The following GRAMD1C variants were observed in gnomAD, a reference collection of about 807,000 sequenced individuals.
GRAMD1C encodes protein Aster-C.
A neutral mutation model predicts 97.8 loss-of-function variants in GRAMD1C; 89 were observed. That is an observed-to-expected ratio of 0.91 (90% CI 0.77 to 1.09). The LOEUF is 1.09. GRAMD1C is among the 50% of genes least tolerant of loss of function. The pLI, the probability that GRAMD1C is intolerant of heterozygous loss-of-function variation, is 0.00. For synonymous variants in GRAMD1C, 256 were observed against 267.0 expected (o/e 0.96, Z 0.40); for missense variants, 740 against 766.4 (o/e 0.97, Z 0.41).
chr3:113,944,339 A>T (rs757086962), intron 17 of GRAMD1C, among the ~76,000 whole-genome samples: 1 of 152,174 alleles, frequency 6.6e-6, no homozygotes, highest in African/African-American at 2.4e-5. Context: ...ACGTCTCTTC[A>T]TGCTGTTGCA....
chr3:113,911,121 T>A (rs55844438), intron 9 of GRAMD1C, among the ~76,000 whole-genome samples: 96,630 of 150,714 alleles, frequency 0.64, 30,887 homozygotes, highest in East Asian at 0.72. Flanking sequence ...ATGCTCATGG[T>A]TAGAGGAGCA....
chr3:113,855,283 C>T (rs1238836062), intron 2 of GRAMD1C, among the ~76,000 whole-genome samples: 2 of 151,954 alleles, frequency 1.3e-5, no homozygotes, highest in Non-Finnish European at 2.9e-5. Context: ...TGCAGTCCAG[C>T]CTGGGTAACA....
chr3:113,875,539 A>G lies in GRAMD1C; in HGVS notation c.315A>G (p.Ser105=), dbSNP rs1216190650. Residue 105 remains serine (S), a synonymous_variant, in exon 4 of 18, where the codon TCA becomes TCG. Transcript: ENST00000358160. ...DILLQGRLYL[S]ENWLCFYSNI... ...TGCTTCAGGGACGACTATACCTTTC[A>G]GAAAACTGGCTATGTTTCTATAGCA... is the stretch of plus-strand genomic sequence containing the variant. The G allele has an allele frequency of 1.3e-6, 2 of 1,558,532 alleles. No individual in the cohort carries two copies. Among genetic ancestry groups the G allele is most frequent in the Non-Finnish European group, 1.8e-6 (2 of 1,128,604 alleles).
At chr3:113,853,186 A>G (rs1933982785) in intron 2 of GRAMD1C, among the ~76,000 whole-genome samples, 1 of 152,226 alleles carries the variant, frequency 6.6e-6, no homozygotes, top group Non-Finnish European at 1.5e-5. Flanking sequence ...TCTAGAAATG[A>G]AAAATATGGT....
chr3:113,849,696 C>G (rs1933780109), intron 2 of GRAMD1C, among the ~76,000 whole-genome samples: 1 of 152,224 alleles, frequency 6.6e-6, no homozygotes, highest in African/African-American at 2.4e-5. Flanking sequence ...ATACTTCTTT[C>G]TACACAGACA....
chr3:113,920,291 G>A (rs1936990863), intron 10 of GRAMD1C: 4 of 510,012 alleles, frequency 7.8e-6, no homozygotes, highest in Non-Finnish European at 1.4e-5. Flanking sequence ...GCTGTAGAGG[G>A]GAGAAAGAGC....
At chr3:113,841,212 C>A (rs1002494711) in intron 1 of GRAMD1C, among the ~76,000 whole-genome samples, 13 of 151,178 alleles carry the variant, frequency 8.6e-5, no homozygotes, top group Non-Finnish European at 1.6e-4. Flanking sequence ...CCAAATTTAA[C>A]AGGCCAAATT....
At chr3:113,921,790 C>T (rs1392979186) in intron 10 of GRAMD1C, among the ~76,000 whole-genome samples, 1 of 152,060 alleles carries the variant, frequency 6.6e-6, no homozygotes, top group Non-Finnish European at 1.5e-5. Flanking sequence ...ATCCCTTGCC[C>T]ACTTTTTTAT....
At chr3:113,869,876 A>G (rs1934727308) in intron 3 of GRAMD1C, among the ~76,000 whole-genome samples, 1 of 152,226 alleles carries the variant, frequency 6.6e-6, no homozygotes, top group South Asian at 2.1e-4. Flanking sequence ...ATGAATGGAT[A>G]AAGAAATTGT....
intron 2 of GRAMD1C, among the ~76,000 whole-genome samples, chr3:113,851,587 C>T (rs1446624030): frequency 3.4e-5 from 5 of 148,498 alleles, no homozygotes; most frequent in East Asian, 2.0e-4. Context: ...GCTGTGATCT[C>T]GGTTCACTGC....
At chr3:113,931,937 A>G (rs1342516803) in intron 11 of GRAMD1C, among the ~76,000 whole-genome samples, 1 of 152,232 alleles carries the variant, frequency 6.6e-6, no homozygotes, top group Non-Finnish European at 1.5e-5. Context: ...AAAATAAAAA[A>G]TAAAAACAAA....
At chr3:113,846,582 GA>G (rs1262755622) in intron 2 of GRAMD1C, among the ~76,000 whole-genome samples, 5 of 151,938 alleles carry the variant, frequency 3.3e-5, no homozygotes, top group Non-Finnish European at 5.9e-5. Context: ...AAATAGGAGA[GA>G]AAAAAAGAGG....
intron 17 of GRAMD1C, among the ~76,000 whole-genome samples, chr3:113,943,278 AAATGTATCT>A (rs1444649245): frequency 6.6e-6 from 1 of 152,194 alleles, no homozygotes; most frequent in African/African-American, 2.4e-5. Context: ...TTCTTTCTTG[AAATGTATCT>A]AATGTATCTA....
chr3:113,853,528 A>G (rs1338166338), intron 2 of GRAMD1C, among the ~76,000 whole-genome samples: 1 of 152,220 alleles, frequency 6.6e-6, no homozygotes, highest in East Asian at 1.9e-4. Context: ...ATTAAGGAGT[A>G]TGTGAGCAGA....
At chr3:113,937,138 C>G (rs765269627) in intron 14 of GRAMD1C, among the ~76,000 whole-genome samples, 26 of 152,200 alleles carry the variant, frequency 1.7e-4, no homozygotes, top group Non-Finnish European at 2.8e-4. Context: ...AGCAAAATTG[C>G]AAAGATAACA....
intron 1 of GRAMD1C, among the ~76,000 whole-genome samples, chr3:113,842,125 C>A (rs927040950): frequency 6.6e-6 from 1 of 152,186 alleles, no homozygotes; most frequent in African/African-American, 2.4e-5. Flanking sequence ...ATACCACCAT[C>A]GTGGAGTATT....
chr3:113,870,500 A>G (rs1006652336), intron 3 of GRAMD1C, among the ~76,000 whole-genome samples: 2 of 152,200 alleles, frequency 1.3e-5, no homozygotes, highest in Non-Finnish European at 2.9e-5. Flanking sequence ...TAGAAGGAAT[A>G]AGATATAGTG....
intron 2 of GRAMD1C, among the ~76,000 whole-genome samples, chr3:113,848,751 C>T (rs865951019): frequency 2.0e-5 from 3 of 152,036 alleles, no homozygotes; most frequent in East Asian, 1.9e-4. Flanking sequence ...GGTTATGGTG[C>T]GCTGTGATCA....
intron 2 of GRAMD1C, chr3:113,850,184 T>C: frequency 5.5e-6 from 1 of 182,658 alleles, no homozygotes; most frequent in Non-Finnish European, 1.2e-5. Context: ...ATATACTTAC[T>C]TTTTTTTTTT....
Sources: gnomAD v4.1 joint callset for allele counts (sites outside exome capture counted in the v4.1 genomes callset) on GRCh38, gnomAD v4.1.1 for gene constraint, MANE v1.5 for transcripts, NCBI Gene and HGNC (gene_info 2026-07-23, HGNC 2026-07-21) for gene names.